Variants in MINDY3 observed in about 807,000 individuals in gnomAD.
MINDY3 encodes MINDY lysine 48 deubiquitinase 3.
MINDY3 carries 38 observed loss-of-function variants against 69.2 expected under a neutral mutation model. The observed-to-expected ratio is 0.55, with a 90% CI of 0.42 to 0.72. The LOEUF is 0.72. Among genes scored for constraint, MINDY3 ranks in the 30% least tolerant of loss-of-function variants. The pLI, the probability that MINDY3 is intolerant of heterozygous loss-of-function variation, is 0.00. For missense variants in MINDY3, 522 were observed against 519.0 expected (o/e 1.01, Z -0.06); for synonymous variants, 192 against 180.1 (o/e 1.07, Z -0.53).
chr10:15,817,868 G>A lies in MINDY3; in HGVS notation c.802-953C>T, dbSNP rs1839482835. The A allele has an allele frequency of 3.3e-5, 5 of 152,270 alleles. No individual in the cohort carries two copies. The South Asian group carries it at 1.0e-3, about 32-fold the overall frequency. 9.4% of individuals were successfully genotyped at this position (152,270 alleles called of 1,614,324 possible). On this transcript the variant is annotated intron_variant, in intron 9 of 14. Transcript: ENST00000277632. The stretch of plus-strand genomic sequence containing the variant: ...GGAATTTATTCTTATCACTAGGAGG[G>A]AAGTGGAAAATAGGTACTCTTTTGT...
chr10:15,819,347 A>C (rs76916684), intron 9 of MINDY3, among the ~76,000 whole-genome samples: 2 of 152,206 alleles, frequency 1.3e-5, no homozygotes. Flanking sequence ...AGCGTAATAT[A>C]GTTTTTCAAA....
intron 2 of MINDY3, among the ~76,000 whole-genome samples, chr10:15,846,150 A>T (rs1439170938): frequency 2.6e-5 from 4 of 152,120 alleles, no homozygotes; most frequent in African/African-American, 9.7e-5. Flanking sequence ...TTACTACCTC[A>T]AAGGTATAGA....
intron 3 of MINDY3, among the ~76,000 whole-genome samples, chr10:15,842,488 G>A (rs142283264): frequency 6.6e-6 from 1 of 151,656 alleles, no homozygotes; most frequent in Non-Finnish European, 1.5e-5. Context: ...AATTTGTTTT[G>A]TATTTCACCT....
intron 11 of MINDY3, among the ~76,000 whole-genome samples, chr10:15,795,811 A>G (rs1038894550): frequency 3.3e-5 from 5 of 152,024 alleles, no homozygotes; most frequent in African/African-American, 1.2e-4. Context: ...TTTACTTTTC[A>G]AACAGTTTGT....
intron 10 of MINDY3, among the ~76,000 whole-genome samples, chr10:15,804,478 T>C (rs1295366936): frequency 6.6e-6 from 1 of 152,122 alleles, no homozygotes; most frequent in Non-Finnish European, 1.5e-5. Context: ...TTAAAGTTTT[T>C]CTCATTAAGC....
At chr10:15,804,416 C>A (rs187904185) in intron 10 of MINDY3, among the ~76,000 whole-genome samples, 1 of 152,152 alleles carries the variant, frequency 6.6e-6, no homozygotes, top group East Asian at 1.9e-4. Context: ...AAATATAAGG[C>A]CTGTGTACAG....
At chr10:15,830,754 G>C (rs554212167) in intron 8 of MINDY3, among the ~76,000 whole-genome samples, 5 of 152,328 alleles carry the variant, frequency 3.3e-5, no homozygotes, top group African/African-American at 1.2e-4. Flanking sequence ...ATTTTCGCAG[G>C]TAGTGAGGTC....
chr10:15,858,050 C>T, intron 1 of MINDY3: 1 of 421,664 alleles, frequency 2.4e-6, no homozygotes, highest in African/African-American at 2.2e-5. Flanking sequence ...TCCCAAAGGA[C>T]TGCCACAGCA....
intron 11 of MINDY3, among the ~76,000 whole-genome samples, chr10:15,794,824 G>A (rs1370335400): frequency 6.6e-6 from 1 of 151,990 alleles, no homozygotes; most frequent in Non-Finnish European, 1.5e-5. Context: ...CTTAATTTCA[G>A]TATCTTTGCA....
chr10:15,809,940 A>G (rs933233514), intron 10 of MINDY3, among the ~76,000 whole-genome samples: 4 of 152,174 alleles, frequency 2.6e-5, no homozygotes, highest in Admixed American at 2.0e-4. Context: ...ACTTAAAATT[A>G]TATTTCTTCA....
rs865871132 is a variant in MINDY3, at chr10:15,828,953, T to C, written c.730+4677A>G. Among the ~76,000 whole-genome samples the C allele has an allele frequency of 4.6e-5, 7 of 152,334 alleles. No homozygotes were observed. In the South Asian group the frequency reaches 1.4e-3, roughly 32 times the overall value. ...CTCTAGGCTTCAGTTTCCTTCTTCATAACATATGGAGTAATACTTGCCTTG... is the reference window on the plus strand; with the variant it reads ...CTCTAGGCTTCAGTTTCCTTCTTCACAACATATGGAGTAATACTTGCCTTG... On this transcript the variant is annotated intron_variant, in intron 8 of 14. Transcript: ENST00000277632.
rs145671145 is a variant in MINDY3 at position 15,823,444 on chromosome 10, C to G, written c.731-1718G>C. Reference sequence around the variant, plus strand: ...AAATTTATAAGCATATATGAAGATCCGGCTGTCTACTAATAAGCCAAGCAT... The same window carrying G: ...AAATTTATAAGCATATATGAAGATCGGGCTGTCTACTAATAAGCCAAGCAT... On this transcript the variant is annotated intron_variant, in intron 8 of 14. Coordinates refer to ENST00000277632, the MANE Select transcript of MINDY3 (RefSeq NM_024948.4). Among the ~76,000 whole-genome samples, 38 of 152,086 alleles carry G rather than the reference C, an allele frequency of 2.5e-4. No homozygotes were observed. The East Asian group carries it at 2.7e-3, about 11-fold the overall frequency.
chr10:15,789,497 G>C (rs959129706), intron 11 of MINDY3, among the ~76,000 whole-genome samples, 178 bp from the exon 12 acceptor site: 7 of 151,994 alleles, frequency 4.6e-5, no homozygotes, highest in Non-Finnish European at 1.0e-4. Context: ...TCTTCTATTT[G>C]TTTTCTTGGA....
chr10:15,837,368 A>G (rs983741785), intron 5 of MINDY3, 50 bp from the exon 6 acceptor site: 5 of 1,385,650 alleles, frequency 3.6e-6, no homozygotes, highest in Non-Finnish European at 5.0e-6. Context: ...GATTAACTAC[A>G]TTCATAAAAG....
At position 15,828,960 on chromosome 10, in the gene MINDY3, T is replaced by G. The variant is rs567203357; in HGVS notation, c.730+4670A>C. ...CTTCAGTTTCCTTCTTCATAACATA[T>G]GGAGTAATACTTGCCTTGAAGGGTT... On this transcript the variant is annotated intron_variant, in intron 8 of 14. Coordinates refer to ENST00000277632, the MANE Select transcript of MINDY3 (RefSeq NM_024948.4). Among the ~76,000 whole-genome samples, 10 of 152,328 alleles carry G rather than the reference T, an allele frequency of 6.6e-5. No homozygotes were observed. In the East Asian group the frequency reaches 1.9e-3, roughly 29 times the overall value.
At chr10:15,786,134 C>T (rs1836939389) in intron 13 of MINDY3, among the ~76,000 whole-genome samples, 1 of 152,114 alleles carries the variant, frequency 6.6e-6, no homozygotes, top group Non-Finnish European at 1.5e-5. Flanking sequence ...TGGGAAACGG[C>T]CCAGACCCAC....
At chr10:15,796,567 A>G (rs961569273) in intron 10 of MINDY3, among the ~76,000 whole-genome samples, 10 of 151,992 alleles carry the variant, frequency 6.6e-5, no homozygotes, top group Non-Finnish European at 1.5e-4. Flanking sequence ...GAAATAAAAT[A>G]TACTCCAGTT....
intron 10 of MINDY3, among the ~76,000 whole-genome samples, chr10:15,816,194 T>C (rs1419642443): frequency 3.7e-5 from 5 of 134,484 alleles, no homozygotes; most frequent in East Asian, 2.1e-4. Flanking sequence ...CCAGGAGACG[T>C]AGGTTGCAGT....
intron 8 of MINDY3, among the ~76,000 whole-genome samples, chr10:15,828,439 G>C (rs967459486): frequency 6.6e-6 from 1 of 152,086 alleles, no homozygotes; most frequent in Non-Finnish European, 1.5e-5. Context: ...AGGAGGACAG[G>C]CTTTCTTTTT....
Sources: allele counts gnomAD v4.1 joint callset (sites outside exome capture counted in the v4.1 genomes callset), GRCh38; gene constraint gnomAD v4.1.1; transcripts MANE v1.5; gene names NCBI Gene and HGNC (gene_info 2026-07-23, HGNC 2026-07-21).